NCKAP5: variants seen among roughly 807,000 people sequenced by gnomAD.
NCKAP5 encodes the protein NCK associated protein 5, also known as nck-associated protein 5.
In NCKAP5, 92 loss-of-function variants were observed where a neutral mutation model predicts 167.0. That is an observed-to-expected ratio of 0.55 (90% CI 0.47 to 0.66). The LOEUF (loss-of-function observed/expected upper bound fraction) is 0.66. NCKAP5 is among the 30% of genes least tolerant of loss of function. The pLI is 0.00. For synonymous variants in NCKAP5, 891 were observed against 877.4 expected (o/e 1.02, Z -0.27); for missense variants, 2,378 against 2,315.0 (o/e 1.03, Z -0.56).
chr2:133,416,944 C>G (rs1034961245), intron 3 of NCKAP5, among the ~76,000 whole-genome samples: 1 of 152,166 alleles, frequency 6.6e-6, no homozygotes, highest in Non-Finnish European at 1.5e-5. Flanking sequence ...AACATTTGGT[C>G]TTGCACGCAT....
the NCKAP5 span, among the ~76,000 whole-genome samples, chr2:133,612,390 C>T: frequency 6.6e-6 from 1 of 152,118 alleles, no homozygotes; most frequent in African/African-American, 2.4e-5. Flanking sequence ...TGAAAAGAAA[C>T]ATCTTTCTTT....
intron 2 of NCKAP5, among the ~76,000 whole-genome samples, chr2:133,546,902 G>T (rs544491183): frequency 1.3e-5 from 2 of 152,148 alleles, no homozygotes; most frequent in Admixed American, 6.5e-5. Context: ...GAACAGCTAC[G>T]GTCTACAGCT....
the NCKAP5 span, among the ~76,000 whole-genome samples, chr2:133,664,330 G>T: frequency 6.6e-6 from 1 of 152,260 alleles, no homozygotes; most frequent in East Asian, 1.9e-4. Flanking sequence ...TATTAAATGA[G>T]CATTGGCTTC....
At chr2:132,892,133 C>A (rs930026445) in intron 8 of NCKAP5, among the ~76,000 whole-genome samples, 5 of 152,166 alleles carry the variant, frequency 3.3e-5, no homozygotes, top group Non-Finnish European at 5.9e-5. Context: ...CAGAAATGTA[C>A]CATGGGTCCT....
intron 11 of NCKAP5, among the ~76,000 whole-genome samples, chr2:132,840,948 A>G (rs959322239): frequency 2.0e-5 from 3 of 152,174 alleles, no homozygotes; most frequent in African/African-American, 7.2e-5. Flanking sequence ...TCAAGCCCAT[A>G]TTGTTCAAGG....
At chr2:133,013,542 T>G (rs913965740) in intron 6 of NCKAP5, among the ~76,000 whole-genome samples, 1 of 152,244 alleles carries the variant, frequency 6.6e-6, no homozygotes, top group East Asian at 1.9e-4. Flanking sequence ...TTAACCATCA[T>G]GAGAACAGCG....
At chr2:133,350,028 A>G (rs1574769762) in intron 3 of NCKAP5, among the ~76,000 whole-genome samples, 2 of 152,346 alleles carry the variant, frequency 1.3e-5, no homozygotes, top group South Asian at 4.1e-4. Context: ...AACCACATGC[A>G]TAACATTCAG....
At chr2:133,293,390 A>C (rs1679737172) in intron 4 of NCKAP5, among the ~76,000 whole-genome samples, 1 of 152,166 alleles carries the variant, frequency 6.6e-6, no homozygotes, top group Non-Finnish European at 1.5e-5. Context: ...CATGCATATC[A>C]CATACAGGTG....
intron 5 of NCKAP5, among the ~76,000 whole-genome samples, chr2:133,192,506 T>TAC (rs1270485478): frequency 2.0e-5 from 3 of 151,952 alleles, no homozygotes; most frequent in Non-Finnish European, 2.9e-5. Context: ...CCACATATAC[T>TAC]ACCAAGGACT....
chr2:133,392,854 G>A (rs1687503821), intron 3 of NCKAP5, among the ~76,000 whole-genome samples: 1 of 152,168 alleles, frequency 6.6e-6, no homozygotes, highest in Non-Finnish European at 1.5e-5. Context: ...TTCCAAGAAT[G>A]TAGAGGGATC....
Position 133,167,896 on chromosome 2 carries a change from C to A in NCKAP5, c.208-37785G>T, listed in dbSNP as rs148905340. 2.3e-3 allele frequency among the ~76,000 whole-genome samples: 353 copies of A among 152,252 alleles called. 4 individuals are homozygous for A. Among genetic ancestry groups the A allele is most frequent in the African/African-American group, 7.8e-3 (324 of 41,536 alleles). Reference sequence around the variant, plus strand: ...ACCTCTCCATCCAATTATTCCCCTGCAAGTATATAGATATGATCGATTCAT... The same window carrying A: ...ACCTCTCCATCCAATTATTCCCCTGAAAGTATATAGATATGATCGATTCAT... On this transcript the variant is annotated intron_variant, in intron 5 of 19. Coordinates refer to ENST00000409261, the MANE Select transcript of NCKAP5 (RefSeq NM_207363.3).
At chr2:133,265,331 G>A (rs1287049795) in intron 4 of NCKAP5, among the ~76,000 whole-genome samples, 1 of 152,142 alleles carries the variant, frequency 6.6e-6, no homozygotes, top group Admixed American at 6.5e-5. Flanking sequence ...ACACTGGCTT[G>A]CTGGCTCAGC....
At position 133,357,832 on chromosome 2, in the gene NCKAP5, C is replaced by T. The variant is rs112011014; in HGVS notation, c.70-54722G>A. ...TTAGAGCAAATTTTTGGGGTCATTT[C>T]ACTGGCATAAAAGGCCTGACCTAAA... is the stretch of plus-strand genomic sequence containing the variant. On this transcript the variant is annotated intron_variant, in intron 3 of 19. Coordinates refer to ENST00000409261, the MANE Select transcript of NCKAP5 (RefSeq NM_207363.3). Among the ~76,000 whole-genome samples, 664 of 152,316 alleles carry T rather than the reference C, an allele frequency of 4.4e-3. 6 individuals carry two copies. Among genetic ancestry groups the T allele is most frequent in the African/African-American group, 0.015 (641 of 41,572 alleles).
At chr2:133,617,478 C>T in the NCKAP5 span, among the ~76,000 whole-genome samples, 2 of 142,648 alleles carry the variant, frequency 1.4e-5, no homozygotes, top group African/African-American at 5.2e-5. Flanking sequence ...AATCAATGTA[C>T]AAAAATCACA....
chr2:133,377,937 GC>G (rs1344324124), intron 3 of NCKAP5, among the ~76,000 whole-genome samples: 1 of 152,158 alleles, frequency 6.6e-6, no homozygotes, highest in Non-Finnish European at 1.5e-5. Flanking sequence ...GGGCAGGGCT[GC>G]TCTCATAACC....
Position 133,568,261 on chromosome 2 carries a change from G to A in NCKAP5, c.-175C>T, listed in dbSNP as rs573782248. Reference sequence around the variant, plus strand: ...AACACATATCACAGTCCTGGAGACAGACACAGGAACTACAACTCTCTCCAG... The same window carrying A: ...AACACATATCACAGTCCTGGAGACAAACACAGGAACTACAACTCTCTCCAG... On this transcript the variant is annotated 5_prime_UTR_variant, in exon 1 of 20. Transcript: ENST00000409261. The A allele has an allele frequency of 6.6e-6, 1 of 152,356 alleles. No individual in the cohort carries two copies. Among genetic ancestry groups the A allele is most frequent in the Admixed American group, 6.5e-5 (1 of 15,312 alleles). 9.4% of individuals were successfully genotyped at this position (152,356 alleles called of 1,614,324 possible). A position where few individuals can be genotyped will look rare whatever the true frequency, so the allele number is the denominator to read the frequency against.
chr2:132,871,860 C>T (rs1267713410), intron 9 of NCKAP5, among the ~76,000 whole-genome samples: 4 of 152,146 alleles, frequency 2.6e-5, no homozygotes, highest in African/African-American at 4.8e-5. Context: ...CGACAGTGTC[C>T]GAGGTTTTGT....
intron 6 of NCKAP5, among the ~76,000 whole-genome samples, chr2:133,116,038 A>C (rs1382804113): frequency 1.3e-5 from 2 of 151,804 alleles, no homozygotes; most frequent in Non-Finnish European, 2.9e-5. Flanking sequence ...TTCAAATTTA[A>C]CTGAAGATCA....
At chr2:133,203,498 C>A (rs2085800334) in intron 5 of NCKAP5, among the ~76,000 whole-genome samples, 1 of 151,892 alleles carries the variant, frequency 6.6e-6, no homozygotes, top group Admixed American at 6.6e-5. Flanking sequence ...ATGTAACAAA[C>A]CTGCACATTG....
Sources: gnomAD v4.1 joint callset for allele counts (sites outside exome capture counted in the v4.1 genomes callset) on GRCh38, gnomAD v4.1.1 for gene constraint, MANE v1.5 for transcripts, NCBI Gene and HGNC (gene_info 2026-07-23, HGNC 2026-07-21) for gene names.